ABCC3: variants seen among roughly 807,000 people sequenced by gnomAD.
ABCC3 encodes the protein ATP binding cassette subfamily C member 3.
ABCC3 carries 121 observed loss-of-function variants against 165.3 expected under a neutral mutation model. The observed-to-expected ratio is 0.73, with a 90% CI of 0.63 to 0.85. The LOEUF (loss-of-function observed/expected upper bound fraction) is 0.85, where lower values mean the gene tolerates loss of function less well. ABCC3 is among the 40% of genes least tolerant of loss of function. The pLI is 0.00. For synonymous variants in ABCC3, 733 were observed against 810.1 expected, an observed-to-expected ratio of 0.90 and a Z score of 1.62; for missense variants, 1,869 against 1,964.1, an observed-to-expected ratio of 0.95 and a Z score of 0.92.
At chr17:50,670,622 A>G (rs1381281847) in intron 17 of ABCC3, among the ~76,000 whole-genome samples, 1 of 152,222 alleles carries the variant, frequency 6.6e-6, no homozygotes, top group African/African-American at 2.4e-5. Flanking sequence ...ATAAATGCTC[A>G]GTGGAAAAAA....
In ABCC3 at chr17:50,663,998, A is replaced by C; in HGVS notation, c.1225A>C (p.Ile409Leu). 6.2e-7 allele frequency: 1 copy of C among 1,614,080 alleles called. No individual in the cohort carries two copies. Among genetic ancestry groups the C allele is most frequent in the Non-Finnish European group, 8.5e-7 (1 of 1,179,980 alleles). ...SVKRASTVGE[I>L]VNLMSVDAQR... is the part of the protein sequence containing the mutation. ...CAAACGTGCGTCCACTGTGGGGGAA[A>C]TTGTCAACCTCATGTCAGTGGATGC... is the stretch of plus-strand genomic sequence containing the variant. Residue 409 changes from isoleucine (I) to leucine (L), a missense_variant, in exon 10 of 31, where the codon ATT becomes CTT. Transcript: ENST00000285238.
In ABCC3 at chr17:50,664,099, C is replaced by T; in HGVS notation, c.1326C>T (p.Tyr442=). 1 of 1,614,214 alleles carries T rather than the reference C, an allele frequency of 6.2e-7. No homozygotes were observed. Among genetic ancestry groups the T allele is most frequent in the South Asian group, 1.1e-5 (1 of 91,086 alleles). Residue 442 remains tyrosine (Y), a synonymous_variant, in exon 10 of 31, where the codon TAC becomes TAT. Transcript: ENST00000285238. ...SAPLQIILAI[Y]FLWQNLGPSV... ...CCCTGCAGATCATCCTGGCGATCTA[C>T]TTCCTCTGGCAGGTGACTCTCCAAC...
intron 1 of ABCC3, chr17:50,635,340 C>A (rs1441319577): frequency 1.6e-6 from 1 of 633,078 alleles, no homozygotes; most frequent in Non-Finnish European, 2.9e-6. Flanking sequence ...TCGCAATCAG[C>A]CGCGGGTTCC....
chr17:50,644,424 G>T (rs998785980), intron 1 of ABCC3, among the ~76,000 whole-genome samples: 3 of 150,462 alleles, frequency 2.0e-5, no homozygotes, highest in Admixed American at 2.0e-4. Flanking sequence ...TAAGATGCTA[G>T]AACTTGGCCA....
At chr17:50,684,520 T>C (rs1030763236) in intron 28 of ABCC3, among the ~76,000 whole-genome samples, 189 bp from the exon 29 acceptor site, 2 of 152,230 alleles carry the variant, frequency 1.3e-5, no homozygotes, top group African/African-American at 2.4e-5. Context: ...TCTTCGTGAT[T>C]GGCAAAGCTG....
intron 29 of ABCC3, among the ~76,000 whole-genome samples, chr17:50,685,308 A>C (rs1255093147): frequency 6.6e-6 from 1 of 152,232 alleles, no homozygotes; most frequent in African/African-American, 2.4e-5. Flanking sequence ...TACTGAGTCT[A>C]AAGGTTGGAG....
rs1967453993 is a variant in ABCC3, at chr17:50,663,763, A to G, written c.1081A>G (p.Met361Val). 2.5e-6 allele frequency: 4 copies of G among 1,614,184 alleles called. No homozygotes were observed. Among genetic ancestry groups the G allele is most frequent in the South Asian group, 1.1e-5 (1 of 91,084 alleles). Residue 361 changes from methionine to valine, a missense_variant, in exon 9 of 31, where the codon ATG becomes GTG. Coordinates refer to ENST00000285238, the MANE Select transcript of ABCC3 (RefSeq NM_003786.4). ...LVAGLMFLCS[M>V]MQSLILQHYY... The stretch of plus-strand genomic sequence containing the variant: ...GGCTGGGCTGATGTTCCTGTGCTCC[A>G]TGATGCAGTCGCTGATCTTACAACA...
intron 1 of ABCC3, among the ~76,000 whole-genome samples, chr17:50,641,908 G>C (rs968260579): frequency 1.3e-5 from 2 of 151,972 alleles, no homozygotes; most frequent in Non-Finnish European, 2.9e-5. Context: ...TTAGCTGGGC[G>C]TGGTGGCACA....
chr17:50,655,099 CAAAAAA>C (rs66488957), intron 1 of ABCC3, among the ~76,000 whole-genome samples: 1 of 43,548 alleles, frequency 2.3e-5, no homozygotes, highest in Non-Finnish European at 4.1e-5. Context: ...GACTCCATCT[CAAAAAA>C]AAAAAAAAAA....
chr17:50,644,942 C>T (rs1966972820), intron 1 of ABCC3, among the ~76,000 whole-genome samples: 2 of 152,264 alleles, frequency 1.3e-5, no homozygotes, highest in South Asian at 2.1e-4. Flanking sequence ...GGCGTGAACC[C>T]GGGAGGCGGA....
Position 50,634,943 on chromosome 17 carries a change from G to A in ABCC3, c.7G>A (p.Ala3Thr), listed in dbSNP as rs2146579165. 1 of 1,258,450 alleles carries A rather than the reference G, an allele frequency of 7.9e-7. No individual in the cohort carries two copies. The highest frequency in any genetic ancestry group is 1.0e-6 in the Non-Finnish European group (1 of 999,776). 78.0% of individuals were successfully genotyped at this position (1,258,450 alleles called of 1,614,324 possible). ...GCAGCCGCGCCTCGGCCCCATGGAC[G>A]CCCTGTGCGGTTCCGGGGAGCTCGG... MD[A>T]LCGSGELGSK... is the part of the protein sequence containing the mutation. Residue 3 changes from alanine (A) to threonine (T), a missense_variant, in exon 1 of 31, where the codon GCC (alanine) becomes ACC (threonine). Transcript: ENST00000285238.
chr17:50,637,156 A>G (rs2054188441), intron 1 of ABCC3, among the ~76,000 whole-genome samples: 1 of 151,948 alleles, frequency 6.6e-6, no homozygotes, highest in Non-Finnish European at 1.5e-5. Context: ...TAAATGGCAA[A>G]CTGACCACCC....
rs199587942 is a variant in ABCC3 at position 50,656,786 on chromosome 17, C to T, written c.307C>T (p.Pro103Ser). The T allele has an allele frequency of 6.2e-7, 1 of 1,613,838 alleles. No homozygotes were observed. ...CCTGGTCCATGGCCGGGCCCCTGCC[C>T]CTGTTTTCTTTGTCACCCCCTTGGT... ...HGLVHGRAPA[P>S]VFFVTPLVVG... Residue 103 changes from proline to serine, a missense_variant, in exon 3 of 31, where the codon CCT (proline) becomes TCT (serine). Transcript: ENST00000285238.
At chr17:50,672,315 A>C (rs767645238) in intron 17 of ABCC3, among the ~76,000 whole-genome samples, 49 of 152,224 alleles carry the variant, frequency 3.2e-4, no homozygotes, top group Non-Finnish European at 6.9e-4. Context: ...TAATGTCCTC[A>C]AGGCATATCC....
intron 23 of ABCC3, 98 bp downstream of exon 23, chr17:50,676,686 C>A: frequency 1.7e-6 from 2 of 1,183,804 alleles, no homozygotes; most frequent in Non-Finnish European, 2.3e-6. Flanking sequence ...AGGCCACCAA[C>A]ATTACAGAGT....
intron 1 of ABCC3, among the ~76,000 whole-genome samples, chr17:50,636,604 G>A (rs11651958): frequency 2.0e-5 from 3 of 152,212 alleles, no homozygotes; most frequent in South Asian, 4.1e-4. Context: ...TGGTATGACC[G>A]TGGCAGGTTT....
intron 10 of ABCC3, 31 bp from the exon 11 acceptor site, chr17:50,665,122 A>C (rs374652054): frequency 6.3e-7 from 1 of 1,594,704 alleles, no homozygotes; most frequent in Non-Finnish European, 8.6e-7. Flanking sequence ...ATCTGTCCCT[A>C]TGTGTCATCT....
chr17:50,654,324 T>G (rs151098095), intron 1 of ABCC3, among the ~76,000 whole-genome samples: 2 of 152,304 alleles, frequency 1.3e-5, no homozygotes, highest in African/African-American at 4.8e-5. Flanking sequence ...AAGAAACAGA[T>G]TAGTACATTA....
chr17:50,683,486 G>A, intron 26 of ABCC3, 124 bp from the exon 27 acceptor site: 1 of 1,100,864 alleles, frequency 9.1e-7, no homozygotes, highest in Non-Finnish European at 1.2e-6. Flanking sequence ...AGCCACAGGG[G>A]TGCCAAGGAC....
Sources: gnomAD v4.1 joint callset for allele counts (sites outside exome capture counted in the v4.1 genomes callset) on GRCh38, gnomAD v4.1.1 for gene constraint, MANE v1.5 for transcripts, NCBI Gene and HGNC (gene_info 2026-07-23, HGNC 2026-07-21) for gene names.